WDFY4: variants seen among roughly 807,000 people sequenced by gnomAD.
WDFY4 encodes the protein WD repeat- and FYVE domain-containing protein 4.
WDFY4 carries 169 observed loss-of-function variants against 351.9 expected under a neutral mutation model. The observed-to-expected ratio is 0.48, with a 90% CI of 0.42 to 0.55. WDFY4 has a LOEUF of 0.55. WDFY4 is among the 20% of genes least tolerant of loss of function. WDFY4 has a pLI of 0.00. For synonymous variants in WDFY4, 1,622 were observed against 1,574.6 expected (o/e 1.03, Z -0.71); for missense variants, 3,803 against 3,935.6 (o/e 0.97, Z 0.90).
chr10:48,928,353 CGTGTGTGTGTGTGTGT>C lies in WDFY4; in HGVS notation c.7587-13424_7587-13409del, dbSNP rs3081490. On this transcript the variant is annotated intron_variant, in intron 47 of 61. Coordinates refer to ENST00000325239, the MANE Select transcript of WDFY4 (RefSeq NM_001394531.1). ...TGGCCCTTGGAGGCTTTGGTTTTGA[CGTGTGTGTGTGTGTGT>C]GTGTGTGTGTGTGTGTGTGTGTGTG... 3.4e-4 allele frequency among the ~76,000 whole-genome samples: 43 copies of C among 125,040 alleles called. 1 individual carries two copies. Among genetic ancestry groups the C allele is most frequent in the South Asian group, 1.9e-3 (6 of 3,104 alleles). 82.0% of individuals were successfully genotyped at this position (125,040 alleles called of 152,430 possible). A position where few individuals can be genotyped will look rare whatever the true frequency, so the allele number is the denominator to read the frequency against.
At chr10:48,706,163 C>T (rs187475640) in intron 1 of WDFY4, among the ~76,000 whole-genome samples, 12 of 152,278 alleles carry the variant, frequency 7.9e-5, no homozygotes, top group Admixed American at 4.6e-4. Context: ...GATTTGGGTG[C>T]CATCAGCACG....
At chr10:48,865,219 T>A (rs568039687) in intron 39 of WDFY4, among the ~76,000 whole-genome samples, 21 of 152,296 alleles carry the variant, frequency 1.4e-4, no homozygotes, top group African/African-American at 5.1e-4. Flanking sequence ...AGTTACCCTT[T>A]ATGAGATTGA....
intron 51 of WDFY4, among the ~76,000 whole-genome samples, chr10:48,954,851 C>T (rs1052686950): frequency 2.6e-5 from 4 of 151,954 alleles, no homozygotes; most frequent in South Asian, 4.2e-4. Context: ...TAATACAGGC[C>T]TAAGTTTTAA....
chr10:48,869,964 G>C (rs1042772571), intron 40 of WDFY4, among the ~76,000 whole-genome samples: 1 of 152,200 alleles, frequency 6.6e-6, no homozygotes, highest in Admixed American at 6.5e-5. Context: ...TTTTACTGAA[G>C]AATGCAGGGA....
intron 46 of WDFY4, among the ~76,000 whole-genome samples, chr10:48,900,619 G>T (rs1222825188): frequency 6.6e-6 from 1 of 152,174 alleles, no homozygotes; most frequent in African/African-American, 2.4e-5. Context: ...CTGTTTAATG[G>T]GCCTTCCAGA....
In WDFY4 at chr10:48,966,666, G is replaced by A. The variant is rs1008604448; in HGVS notation, c.8577G>A (p.Thr2859=). 42 of 1,551,208 alleles carry A rather than the reference G, an allele frequency of 2.7e-5. No individual in the cohort carries two copies. The highest frequency in any genetic ancestry group is 1.6e-4 in the Admixed American group (8 of 50,920). ...SLQSLRPSQV[T]VKDMYLFSLG... is the part of the protein sequence containing the mutation. ...AGTCGCTGAGGCCCTCCCAGGTCACGGTCAAAGGTGATTCCCTGGCCATGC... is the reference window on the plus strand; with the variant it reads ...AGTCGCTGAGGCCCTCCCAGGTCACAGTCAAAGGTGATTCCCTGGCCATGC... Residue 2859 remains threonine, a synonymous_variant, in exon 55 of 62, where the codon ACG becomes ACA. Coordinates refer to ENST00000325239, the MANE Select transcript of WDFY4 (RefSeq NM_001394531.1).
intron 34 of WDFY4, 131 bp downstream of exon 34, chr10:48,821,307 G>T (rs945794066): frequency 1.5e-5 from 10 of 683,568 alleles, no homozygotes; most frequent in Non-Finnish European, 2.5e-5. Flanking sequence ...GTCCCTCCAG[G>T]CATCATCAAC....
Position 48,729,465 on chromosome 10 carries a change from G to A in WDFY4, c.1005G>A (p.Pro335=), listed in dbSNP as rs373608510. 388 of 1,551,490 alleles carry A rather than the reference G, an allele frequency of 2.5e-4. 5 individuals carry two copies. In the African/African-American group the frequency reaches 2.6e-3, roughly 10 times the overall value. Residue 335 remains proline, a synonymous_variant, in exon 8 of 62, where the codon CCG becomes CCA. Coordinates refer to ENST00000325239, the MANE Select transcript of WDFY4 (RefSeq NM_001394531.1). ...GGCTGACCCAGAGCGAAGTGGACCC[G>A]CATCTGGAGGAGCTCCTTGGGCTGG... ...YDGLTQSEVD[P]HLEELLGLVV... is the part of the protein sequence containing the mutation.
chr10:48,695,597 T>C (rs1397679761), intron 1 of WDFY4, among the ~76,000 whole-genome samples: 1 of 152,182 alleles, frequency 6.6e-6, no homozygotes, highest in Non-Finnish European at 1.5e-5. Flanking sequence ...GATGTCTCTG[T>C]TAGTAGATGG....
rs1330019194 is a variant in WDFY4, at chr10:48,736,009, T to C, written c.1817T>C (p.Ile606Thr). 8 of 1,551,804 alleles carry C rather than the reference T, an allele frequency of 5.2e-6. No individual in the cohort carries two copies. Among genetic ancestry groups the C allele is most frequent in the Non-Finnish European group, 7.0e-6 (8 of 1,147,058 alleles). ...AACGCCGAGGAGTACATGAGCATCATTGTGGGTGCTCTATGCTCATCCACT... is the reference window on the plus strand; with the variant it reads ...AACGCCGAGGAGTACATGAGCATCACTGTGGGTGCTCTATGCTCATCCACT... ...AINAEEYMSI[I>T]VGALCSSTQG... The change falls in exon 11 of 62, where the codon ATT (isoleucine) becomes ACT (threonine). Residue 606 changes from isoleucine (I) to threonine (T), a missense_variant. Physicochemically the swap from Ile to Thr is moderately conservative, Grantham distance 89. Transcript: ENST00000325239.
intron 45 of WDFY4, among the ~76,000 whole-genome samples, chr10:48,898,535 C>G (rs1027797014): frequency 1.3e-5 from 2 of 152,138 alleles, no homozygotes; most frequent in African/African-American, 4.8e-5. Flanking sequence ...ATTTTCTGTA[C>G]GTAGGTCATT....
chr10:48,873,635 C>T lies in WDFY4; in HGVS notation c.6886C>T (p.Arg2296Ter), dbSNP rs1480364747. ...ACTCGACTGGAGAGAAGGACCAGCT[C>T]GAATGAGGAAACGCATCAAACGCTT... ...WELDWREGPA[R>*]MRKRIKRLSP... The change falls in exon 41 of 62, where the codon CGA becomes TGA. Residue 2296 changes from arginine (R) to a stop codon, truncating the protein, a stop_gained. Coordinates refer to ENST00000325239, the MANE Select transcript of WDFY4 (RefSeq NM_001394531.1). LOFTEE classifies it high-confidence loss of function. The T allele has an allele frequency of 3.9e-6, 6 of 1,551,806 alleles. No individual in the cohort carries two copies. The highest frequency in any genetic ancestry group is 4.4e-6 in the Non-Finnish European group (5 of 1,147,006).
rs1213297657 is a variant in WDFY4, at chr10:48,961,905, C to A, written c.8224-1937C>A. ...AAGGACTGAGGAGACACCAGCCCAA[C>A]GTCCTGGCCCCAGACATATGGGTTA... On this transcript the variant is annotated intron_variant, in intron 53 of 61. Coordinates refer to ENST00000325239, the MANE Select transcript of WDFY4 (RefSeq NM_001394531.1). 3.3e-5 allele frequency among the ~76,000 whole-genome samples: 5 copies of A among 152,248 alleles called. No homozygotes were observed. In the South Asian group the frequency reaches 1.0e-3, roughly 32 times the overall value.
intron 47 of WDFY4, chr10:48,913,739 T>C (rs10776653): frequency 0.5 from 804,158 of 1,612,576 alleles, 204,874 homozygotes; most frequent in East Asian, 0.73. Flanking sequence ...GGGCCCCCAG[T>C]GTGGTGGGCA....
rs11595341 is a variant in WDFY4 at position 48,910,986 on chromosome 10, G to T, written c.7586+9123G>T. 1.1e-5 allele frequency: 9 copies of T among 824,008 alleles called. No homozygotes were observed. The African/African-American group carries it at 1.5e-4, about 14-fold the overall frequency. 51.0% of individuals were successfully genotyped at this position (824,008 alleles called of 1,614,324 possible). ...ATTCTAAAGAAAAAGTGTCTGAAGGGGGAGAAATTGAAATGGAAAGTCATC... is the reference window on the plus strand; with the variant it reads ...ATTCTAAAGAAAAAGTGTCTGAAGGTGGAGAAATTGAAATGGAAAGTCATC... On this transcript the variant is annotated intron_variant, in intron 47 of 61. Transcript: ENST00000325239.
intron 1 of WDFY4, among the ~76,000 whole-genome samples, chr10:48,704,171 G>GGAA (rs1425518304): frequency 6.6e-6 from 1 of 152,144 alleles, no homozygotes; most frequent in East Asian, 1.9e-4. Context: ...GAGAGGGACT[G>GGAA]GGATCACCGG....
At chr10:48,867,035 TG>T in intron 39 of WDFY4, among the ~76,000 whole-genome samples, 1 of 151,660 alleles carries the variant, frequency 6.6e-6, no homozygotes, top group Non-Finnish European at 1.5e-5. Flanking sequence ...CCAGGCATGG[TG>T]GTGGGCGCCT....
rs143814876 is a variant in WDFY4 at position 48,878,876 on chromosome 10, CCAGT to C, written c.7167+1684_7167+1687del. Among the ~76,000 whole-genome samples, 446 of 152,336 alleles carry C rather than the reference CCAGT, an allele frequency of 2.9e-3. 5 individuals are homozygous for C. Among genetic ancestry groups the C allele is most frequent in the African/African-American group, 9.8e-3 (406 of 41,572 alleles). Reference sequence around the variant, plus strand: ...CTAACCACAGGCATGCCTGAAGCAGCCAGTCAGTCAACACTGATGAATGACGTGC... The same window carrying C: ...CTAACCACAGGCATGCCTGAAGCAGCCAGTCAACACTGATGAATGACGTGC... On this transcript the variant is annotated intron_variant, in intron 43 of 61. Coordinates refer to ENST00000325239, the MANE Select transcript of WDFY4 (RefSeq NM_001394531.1).
intron 39 of WDFY4, among the ~76,000 whole-genome samples, chr10:48,865,178 T>C (rs1159128668): frequency 6.6e-6 from 1 of 152,236 alleles, no homozygotes; most frequent in Non-Finnish European, 1.5e-5. Context: ...CCAAGTATAA[T>C]GTTGTATAAT....
Sources: gnomAD v4.1 joint callset for allele counts (sites outside exome capture counted in the v4.1 genomes callset) on GRCh38, gnomAD v4.1.1 for gene constraint, MANE v1.5 for transcripts, NCBI Gene and HGNC (gene_info 2026-07-23, HGNC 2026-07-21) for gene names.